GABRA5: variants seen among roughly 807,000 people sequenced by gnomAD.
GABRA5 encodes gamma-aminobutyric acid receptor subunit alpha-5.
In GABRA5, 18 loss-of-function variants were observed where a neutral mutation model predicts 47.3. The observed-to-expected ratio is 0.38, with a 90% confidence interval of 0.26 to 0.56. The LOEUF is 0.56. GABRA5 is among the 20% of genes least tolerant of loss of function. The pLI is 0.71. For missense variants in GABRA5, 365 were observed against 599.3 expected (o/e 0.61, Z 4.08); for synonymous variants, 237 against 229.3 (o/e 1.03, Z -0.30).
At chr15:26,891,696 G>A (rs1427440467) in intron 6 of GABRA5, among the ~76,000 whole-genome samples, 1 of 152,190 alleles carries the variant, frequency 6.6e-6, no homozygotes, top group Admixed American at 6.5e-5. Context: ...GCGGCCTTGA[G>A]GTTGCTCAGA....
chr15:26,911,394 C>CACAA (rs750993725), intron 6 of GABRA5, among the ~76,000 whole-genome samples: 3 of 146,530 alleles, frequency 2.0e-5, no homozygotes, highest in Middle Eastern at 3.4e-3. Flanking sequence ...CACACACACA[C>CACAA]ACAAACACAC....
intron 3 of GABRA5, among the ~76,000 whole-genome samples, chr15:26,873,798 T>C (rs967883140): frequency 1.3e-5 from 2 of 152,178 alleles, no homozygotes; most frequent in African/African-American, 4.8e-5. Context: ...GAAAGCCCAC[T>C]GAAGCAGGGA....
chr15:26,893,508 C>T (rs1218031441), intron 6 of GABRA5, among the ~76,000 whole-genome samples: 4 of 18,208 alleles, frequency 2.2e-4, no homozygotes, highest in Non-Finnish European at 5.3e-4. Flanking sequence ...CTGGACCTCC[C>T]TCCTGCGTGT....
At chr15:26,917,428 T>C (rs1380051898) in intron 7 of GABRA5, among the ~76,000 whole-genome samples, 2 of 152,142 alleles carry the variant, frequency 1.3e-5, no homozygotes, top group Admixed American at 6.6e-5. Flanking sequence ...TAAATTCTGC[T>C]TGGATACGAA....
At chr15:26,915,174 G>T (rs1014212949) in intron 7 of GABRA5, among the ~76,000 whole-genome samples, 3 of 152,120 alleles carry the variant, frequency 2.0e-5, no homozygotes, top group Non-Finnish European at 4.4e-5. Context: ...GATCTCAACC[G>T]GGCAGTTCTT....
intron 8 of GABRA5, 131 bp downstream of exon 8, chr15:26,937,459 C>A: frequency 1.0e-6 from 1 of 963,880 alleles, no homozygotes; most frequent in Non-Finnish European, 1.5e-6. Flanking sequence ...CACAACCTGT[C>A]CTGGCCAGCT....
intron 4 of GABRA5, among the ~76,000 whole-genome samples, chr15:26,881,955 C>G (rs996526207): frequency 1.3e-5 from 2 of 152,206 alleles, no homozygotes; most frequent in Non-Finnish European, 1.5e-5. Flanking sequence ...CCACCTCGGC[C>G]TCCCAAAGTG....
intron 6 of GABRA5, among the ~76,000 whole-genome samples, chr15:26,898,134 G>A (rs967091460): frequency 2.0e-5 from 3 of 152,152 alleles, no homozygotes; most frequent in African/African-American, 4.8e-5. Flanking sequence ...ATTTAGGGTT[G>A]GATCACTTTC....
At chr15:26,922,252 C>T (rs187885455) in intron 7 of GABRA5, among the ~76,000 whole-genome samples, 18 of 152,224 alleles carry the variant, frequency 1.2e-4, no homozygotes, top group African/African-American at 4.3e-4. Flanking sequence ...ATTTTTGTTA[C>T]ACATATTTTT....
chr15:26,871,089 G>C (rs892842024), intron 3 of GABRA5, among the ~76,000 whole-genome samples: 6 of 152,200 alleles, frequency 3.9e-5, no homozygotes, highest in Admixed American at 3.9e-4. Flanking sequence ...AGCCACTTGG[G>C]AGGCTGAGGC....
At chr15:26,911,477 T>C (rs746632270) in intron 6 of GABRA5, among the ~76,000 whole-genome samples, 4 of 151,910 alleles carry the variant, frequency 2.6e-5, no homozygotes, top group Non-Finnish European at 4.4e-5. Context: ...TTCAACATTG[T>C]CAGTGCAGTA....
rs1255322240 is a variant in GABRA5 at position 26,867,672 on chromosome 15, G to T, written c.-140+561G>T. ...GGCGCGGTGACCGGTTGGGGGTGGGGGACACCCGTTGCCACCATCACGGGA... is the reference window on the plus strand; with the variant it reads ...GGCGCGGTGACCGGTTGGGGGTGGGTGACACCCGTTGCCACCATCACGGGA... On this transcript the variant is annotated intron_variant, in intron 1 of 10. Transcript: ENST00000335625. The surrounding 1 kb of genome is among the most constrained non-coding windows in gnomAD (Gnocchi z 5.9). Among the ~76,000 whole-genome samples the T allele has an allele frequency of 6.6e-6, 1 of 151,966 alleles. No homozygotes were observed. Among genetic ancestry groups the T allele is most frequent in the East Asian group, 2.0e-4 (1 of 5,106 alleles).
intron 1 of GABRA5, chr15:26,868,231 C>T (rs1227502035): frequency 6.6e-6 from 1 of 152,118 alleles, no homozygotes; most frequent in African/African-American, 2.4e-5. Flanking sequence ...CGCCGCCTGG[C>T]TCTGGCCCGG....
At chr15:26,906,981 A>G (rs2140285545) in intron 6 of GABRA5, among the ~76,000 whole-genome samples, 1 of 152,354 alleles carries the variant, frequency 6.6e-6, no homozygotes, top group East Asian at 1.9e-4. Flanking sequence ...GGAATTGCTG[A>G]CATCTTCTTT....
rs1892787563 is a variant in GABRA5, at chr15:26,883,395, A to G, written c.335A>G (p.Lys112Arg). The change falls in exon 6 of 11, where the codon AAG (lysine) becomes AGG (arginine). Residue 112 changes from lysine to arginine, a missense_variant. By Grantham distance (26) the Lys-to-Arg change is conservative. This residue lies in a region of GABRA5 where 216 missense variants were observed against 335.3 expected (regional missense o/e 0.64). Coordinates refer to ENST00000335625, the MANE Select transcript of GABRA5 (RefSeq NM_000810.4). This position sits in a 1 kb window ranked among gnomAD's most constrained non-coding sequence, Gnocchi z 4.8. ...TGGAAAGATGAAAGGCTTCGGTTTAAGGGGCCCATGCAGCGCCTCCCTCTC... is the reference window on the plus strand; with the variant it reads ...TGGAAAGATGAAAGGCTTCGGTTTAGGGGGCCCATGCAGCGCCTCCCTCTC... Reference protein sequence around the residue: ...QSWKDERLRFKGPMQRLPLNN... With the variant: ...QSWKDERLRFRGPMQRLPLNN... The G allele has an allele frequency of 7.4e-6, 12 of 1,614,036 alleles. No individual in the cohort carries two copies. Among genetic ancestry groups the G allele is most frequent in the Non-Finnish European group, 1.0e-5 (12 of 1,179,904 alleles).
chr15:26,895,962 C>T (rs543257046), intron 6 of GABRA5, among the ~76,000 whole-genome samples: 27 of 152,072 alleles, frequency 1.8e-4, no homozygotes, highest in Non-Finnish European at 3.4e-4. Context: ...CCAGCCTCCC[C>T]CTGCCTCCAT....
At position 26,947,918 on chromosome 15, in the gene GABRA5, G is replaced by T; in HGVS notation, c.1090-16G>T. ...CTGCAAATGGCGTGTCCTTACATTCGTATTATATTTTGCAGAAAAAGCGTG... is the reference window on the plus strand; with the variant it reads ...CTGCAAATGGCGTGTCCTTACATTCTTATTATATTTTGCAGAAAAAGCGTG... On this transcript the variant is annotated splice_polypyrimidine_tract_variant and intron_variant, in intron 10 of 10. Transcript: ENST00000335625. 6.4e-7 allele frequency: 1 copy of T among 1,557,762 alleles called. No individual in the cohort carries two copies. The highest frequency in any genetic ancestry group is 8.7e-7 in the Non-Finnish European group (1 of 1,149,770).
intron 9 of GABRA5, among the ~76,000 whole-genome samples, chr15:26,941,294 T>C (rs1447720214): frequency 6.6e-6 from 1 of 152,052 alleles, no homozygotes; most frequent in Non-Finnish European, 1.5e-5. Context: ...GTATTGCCTG[T>C]TATTGTTGGG....
chr15:26,941,548 G>A (rs1166279376), intron 9 of GABRA5, among the ~76,000 whole-genome samples: 1 of 152,156 alleles, frequency 6.6e-6, no homozygotes, highest in Non-Finnish European at 1.5e-5. Context: ...ATTGAATGAA[G>A]CCCCAGCCAT....
Sources: allele counts gnomAD v4.1 joint callset (sites outside exome capture counted in the v4.1 genomes callset), GRCh38; gene constraint gnomAD v4.1.1; regional missense constraint gnomAD v4.1.1; non-coding constraint Gnocchi (gnomAD v3.1); transcripts MANE v1.5; gene names NCBI Gene and HGNC (gene_info 2026-07-23, HGNC 2026-07-21).